DDX25: variants seen among roughly 807,000 people sequenced by gnomAD.
The protein encoded by DDX25 is DEAD-box helicase 25.
Under a neutral mutation model 64.6 loss-of-function variants are expected in DDX25, and 70 were observed. That is an observed-to-expected ratio of 1.08 (90% CI 0.89 to 1.32). The LOEUF (loss-of-function observed/expected upper bound fraction) is 1.32. DDX25 is among the 40% of genes most tolerant of loss of function. The probability of loss-of-function intolerance (pLI) is 0.00; values close to 1 mark genes in which losing one functional copy is unlikely to be tolerated. For missense variants in DDX25, 587 were observed against 604.4 expected, an observed-to-expected ratio of 0.97 and a Z score of 0.30; for synonymous variants, 211 against 213.3, an observed-to-expected ratio of 0.99 and a Z score of 0.09.
Position 125,921,284 on chromosome 11 carries a change from T to C in DDX25, c.1295T>C (p.Ile432Thr), listed in dbSNP as rs752401926. 8 of 1,613,532 alleles carry C rather than the reference T, an allele frequency of 5.0e-6. No homozygotes were observed. Among genetic ancestry groups the C allele is most frequent in the African/African-American group, 2.7e-5 (2 of 74,922 alleles). The change falls in exon 11 of 12, where the codon ATA (isoleucine) becomes ACA (threonine). Residue 432 changes from isoleucine to threonine, a missense_variant. Physicochemically the swap from Ile to Thr is moderately conservative, Grantham distance 89. Coordinates refer to ENST00000263576, the MANE Select transcript of DDX25 (RefSeq NM_013264.5). The surrounding 1 kb of genome is among the most constrained non-coding windows in gnomAD (Gnocchi z 4.1). ...GACTATGAGACCTACCTCCACCGCA[T>C]AGGGCGGACGGGGCGCTTTGGGAAA... ...EPDYETYLHR[I>T]GRTGRFGKKG...
Position 125,908,470 on chromosome 11 carries a change from A to G in DDX25, c.474A>G (p.Leu158=). The change falls in exon 6 of 12, where the codon TTA becomes TTG. Residue 158 remains leucine, a synonymous_variant. Coordinates refer to ENST00000263576, the MANE Select transcript of DDX25 (RefSeq NM_013264.5). The part of the protein sequence containing the change: ...GKTAAFVLAM[L]SRVNALELFP... ...CAGCGGCATTTGTGTTGGCAATGTTAAGCAGAGTTAATGCCTTGGAATTGT... is the reference window on the plus strand; with the variant it reads ...CAGCGGCATTTGTGTTGGCAATGTTGAGCAGAGTTAATGCCTTGGAATTGT... 1.9e-6 allele frequency: 3 copies of G among 1,613,834 alleles called. No individual in the cohort carries two copies. The highest frequency in any genetic ancestry group is 2.5e-6 in the Non-Finnish European group (3 of 1,179,888).
chr11:125,910,523 C>A, intron 7 of DDX25, 45 bp downstream of exon 7: 1 of 1,551,960 alleles, frequency 6.4e-7, no homozygotes, highest in Non-Finnish European at 8.9e-7. Flanking sequence ...CAAATCCTGG[C>A]TTCACCACGA....
rs752092278 is a variant in DDX25, at chr11:125,908,513, G to A, written c.507+10G>A. 5.0e-6 allele frequency: 8 copies of A among 1,612,538 alleles called. No homozygotes were observed. The South Asian group carries it at 7.7e-5, about 16-fold the overall frequency. The stretch of plus-strand genomic sequence containing the variant: ...GGAATTGTTCCCACAGGTAAGGGAA[G>A]GCTGAGAGAAGACTGGGAATGCTTG... On this transcript the variant is annotated intron_variant, in intron 6 of 11. Transcript: ENST00000263576.
chr11:125,919,266 T>A (rs976142116), intron 10 of DDX25, among the ~76,000 whole-genome samples: 1 of 152,234 alleles, frequency 6.6e-6, no homozygotes, highest in Non-Finnish European at 1.5e-5. Context: ...TGTGCAGGTC[T>A]GTATTTAGAG....
intron 8 of DDX25, among the ~76,000 whole-genome samples, chr11:125,914,714 C>T (rs764004937): frequency 2.0e-4 from 30 of 152,078 alleles, no homozygotes; most frequent in Non-Finnish European, 4.0e-4. Context: ...TTCAGAACTC[C>T]AGGAAATATT....
In DDX25 at chr11:125,922,989, C is replaced by A; in HGVS notation, c.*108C>A. The A allele has an allele frequency of 2.1e-6, 2 of 959,704 alleles. No individual in the cohort carries two copies. Among genetic ancestry groups the A allele is most frequent in the Non-Finnish European group, 3.1e-6 (2 of 655,404 alleles). 59.4% of individuals were successfully genotyped at this position (959,704 alleles called of 1,614,324 possible). ...AGGCTTTTTCGACGTGAAACTGTCA[C>A]AGATGGCAAAATAAATGTCACGGTA... On this transcript the variant is annotated 3_prime_UTR_variant, in exon 12 of 12. Coordinates refer to ENST00000263576, the MANE Select transcript of DDX25 (RefSeq NM_013264.5).
In DDX25 at chr11:125,904,529, A is replaced by G. The variant is rs1944848154; in HGVS notation, c.12A>G (p.Leu4=). Residue 4 remains leucine (L), a synonymous_variant, in exon 1 of 12, where the codon TTA becomes TTG. Coordinates refer to ENST00000263576, the MANE Select transcript of DDX25 (RefSeq NM_013264.5). ...CAGCAATCGCAGCCATGGCGTCGTTACTGTGGGGAGGCGACGCAGGGGCGG... is the reference window on the plus strand; with the variant it reads ...CAGCAATCGCAGCCATGGCGTCGTTGCTGTGGGGAGGCGACGCAGGGGCGG... MAS[L]LWGGDAGAAE... is the part of the protein sequence containing the mutation. 1 of 1,496,074 alleles carries G rather than the reference A, an allele frequency of 6.7e-7. No homozygotes were observed. Among genetic ancestry groups the G allele is most frequent in the Non-Finnish European group, 8.9e-7 (1 of 1,123,336 alleles). The allele number at this position is 1,496,074 out of a possible 1,614,324, so 92.7% of individuals were successfully genotyped here. A position where few individuals can be genotyped will look rare whatever the true frequency, so the allele number is the denominator to read the frequency against.
chr11:125,906,555 AGTG>A (rs1346070115), intron 4 of DDX25, among the ~76,000 whole-genome samples: 1 of 152,158 alleles, frequency 6.6e-6, no homozygotes, highest in East Asian at 1.9e-4. Flanking sequence ...GGCCAGGCAC[AGTG>A]GCTCATTCCT....
Position 125,921,534 on chromosome 11 carries a change from A to G in DDX25, c.1390+155A>G, listed in dbSNP as rs1945116116. 2 of 739,796 alleles carry G rather than the reference A, an allele frequency of 2.7e-6. No individual in the cohort carries two copies. The highest frequency in any genetic ancestry group is 2.1e-6 in the Non-Finnish European group (1 of 470,864). The allele number at this position is 739,796 out of a possible 1,614,324, so 45.8% of individuals were successfully genotyped here. ...TAATTCACAGGACCAGGGTTCTAATATGAGACAGATGATTAAATAATGCTT... is the reference window on the plus strand; with the variant it reads ...TAATTCACAGGACCAGGGTTCTAATGTGAGACAGATGATTAAATAATGCTT... On this transcript the variant is annotated intron_variant, in intron 11 of 11. Transcript: ENST00000263576. The surrounding 1 kb of genome is among the most constrained non-coding windows in gnomAD (Gnocchi z 4.1).
chr11:125,908,054 G>A, intron 4 of DDX25, 142 bp from the exon 5 acceptor site: 1 of 655,306 alleles, frequency 1.5e-6, no homozygotes, highest in Non-Finnish European at 2.6e-6. Flanking sequence ...TGGAAGTTGA[G>A]GTATGAATGA....
At chr11:125,907,324 G>A (rs1944900869) in intron 4 of DDX25, among the ~76,000 whole-genome samples, 2 of 152,144 alleles carry the variant, frequency 1.3e-5, no homozygotes, top group South Asian at 2.1e-4. Context: ...AAGTTGAAGT[G>A]TTGGCCGGGC....
chr11:125,916,925 C>A, intron 8 of DDX25, 89 bp from the exon 9 acceptor site: 1 of 1,261,856 alleles, frequency 7.9e-7, no homozygotes, highest in Non-Finnish European at 1.1e-6. Context: ...AACAGGGGTG[C>A]GTGCAGCGGC....
chr11:125,911,999 A>G (rs1206439782), intron 8 of DDX25, among the ~76,000 whole-genome samples: 1 of 152,198 alleles, frequency 6.6e-6, no homozygotes, highest in African/African-American at 2.4e-5. Flanking sequence ...CCTCAGACTT[A>G]CTGAATGAGA....
In DDX25 at chr11:125,917,055, C is replaced by G; in HGVS notation, c.842C>G (p.Thr281Ser). Residue 281 changes from threonine (T) to serine (S), a missense_variant, in exon 9 of 12, where the codon ACC (threonine) becomes AGC (serine). By Grantham distance (58) the Thr-to-Ser change is moderately conservative. Transcript: ENST00000263576. ...TGCCAAATGCTCCTCTTTTCAGCAA[C>G]CTTTGAGGACTCTGTGTGGCACTTT... Reference protein sequence around the residue: ...SECQMLLFSATFEDSVWHFAE... With the variant: ...SECQMLLFSASFEDSVWHFAE... 6.2e-7 allele frequency: 1 copy of G among 1,608,140 alleles called. No individual in the cohort carries two copies. Among genetic ancestry groups the G allele is most frequent in the East Asian group, 2.2e-5 (1 of 44,818 alleles).
At chr11:125,905,327 T>C in intron 2 of DDX25, 49 bp downstream of exon 2, 1 of 1,543,618 alleles carries the variant, frequency 6.5e-7, no homozygotes, top group Non-Finnish European at 8.8e-7. Context: ...TTAAAAAGTA[T>C]TGTTTTGCTT....
chr11:125,910,523 C>G, intron 7 of DDX25, 45 bp downstream of exon 7: 1 of 1,551,964 alleles, frequency 6.4e-7, no homozygotes, highest in Non-Finnish European at 8.9e-7. Context: ...CAAATCCTGG[C>G]TTCACCACGA....
rs1945134494 is a variant in DDX25 at position 125,923,083 on chromosome 11, A to G, written c.*202A>G. 2 of 562,494 alleles carry G rather than the reference A, an allele frequency of 3.6e-6. No individual in the cohort carries two copies. Among genetic ancestry groups the G allele is most frequent in the Non-Finnish European group, 6.3e-6 (2 of 317,294 alleles). 34.8% of individuals were successfully genotyped at this position (562,494 alleles called of 1,614,324 possible). On this transcript the variant is annotated 3_prime_UTR_variant, in exon 12 of 12. Coordinates refer to ENST00000263576, the MANE Select transcript of DDX25 (RefSeq NM_013264.5). ...GAAGCTTGTGATCCTTTTGAATAAA[A>G]AAAAGGCAAGATTATTTCTTATTCT...
rs584900 is a variant in DDX25, at chr11:125,924,233, T to C, written c.*1352T>C. 39,923 of 152,086 alleles carry C rather than the reference T, an allele frequency of 0.26. 5,487 individuals carry two copies. The highest frequency in any genetic ancestry group is 0.38 in the East Asian group (1,948 of 5,162). The allele number at this position is 152,086 out of a possible 1,614,324, so 9.4% of individuals were successfully genotyped here. On this transcript the variant is annotated 3_prime_UTR_variant, in exon 12 of 12. Coordinates refer to ENST00000263576, the MANE Select transcript of DDX25 (RefSeq NM_013264.5). Reference sequence around the variant, plus strand: ...AGTGAGCCGAGATCGTGCCACTGCATTCCAGCCTGGGCGACAGAGTGAGAC... The same window carrying C: ...AGTGAGCCGAGATCGTGCCACTGCACTCCAGCCTGGGCGACAGAGTGAGAC...
chr11:125,906,041 T>C (rs758693188), intron 3 of DDX25, 33 bp from the exon 4 acceptor site: 19 of 1,524,534 alleles, frequency 1.2e-5, no homozygotes, highest in Non-Finnish European at 1.5e-5. Context: ...TTCAGGAAGC[T>C]TGATGTCCTC....
Sources: allele counts gnomAD v4.1 joint callset (sites outside exome capture counted in the v4.1 genomes callset), GRCh38; gene constraint gnomAD v4.1.1; non-coding constraint Gnocchi (gnomAD v3.1); transcripts MANE v1.5; gene names NCBI Gene and HGNC (gene_info 2026-07-23, HGNC 2026-07-21).